Variants in KY observed in about 807,000 individuals in gnomAD.
KY encodes the protein kyphoscoliosis peptidase.
KY carries 43 observed loss-of-function variants against 76.1 expected under a neutral mutation model. That is an observed-to-expected ratio of 0.57 (90% CI 0.44 to 0.73). KY has a LOEUF of 0.73. Ranked by LOEUF, KY falls within the 30% of genes least tolerant of loss-of-function variation. KY has a pLI of 0.00. For synonymous variants in KY, 277 were observed against 326.2 expected (o/e 0.85, Z 1.63); for missense variants, 722 against 828.9 (o/e 0.87, Z 1.58).
At position 134,625,120 on chromosome 3, in the gene KY, C is replaced by G. The variant is rs748941203; in HGVS notation, c.416G>C (p.Arg139Pro). 6.3e-7 allele frequency: 1 copy of G among 1,599,214 alleles called. No homozygotes were observed. Among genetic ancestry groups the G allele is most frequent in the African/African-American group, 1.3e-5 (1 of 74,744 alleles). ...GKDAHAYPWD[R>P]SSLKSMSLDL... ...CAGGGACATGGATTTCAGGCTAGAT[C>G]GATCCCAGGGGTAGGCTGGAAACAC... The change falls in exon 6 of 11, where the codon CGA (arginine) becomes CCA (proline). Residue 139 changes from arginine to proline, a missense_variant. Coordinates refer to ENST00000423778, the MANE Select transcript of KY (RefSeq NM_178554.6).
Position 134,619,187 on chromosome 3 carries a change from T to C in KY, c.671A>G (p.Asn224Ser). 1 of 1,613,922 alleles carries C rather than the reference T, an allele frequency of 6.2e-7. No individual in the cohort carries two copies. Among genetic ancestry groups the C allele is most frequent in the Non-Finnish European group, 8.5e-7 (1 of 1,179,856 alleles). The change falls in exon 8 of 11, where the codon AAC becomes AGC. Residue 224 changes from asparagine (N) to serine (S), a missense_variant. Around this residue, in one of 2 missense-constraint regions of KY, gnomAD observed 552 missense variants for 680.9 expected, o/e 0.81. Coordinates refer to ENST00000423778, the MANE Select transcript of KY (RefSeq NM_178554.6). ...PTDILRTQKT[N>S]CDGYAGLFER... Reference sequence around the variant, plus strand: ...GAAGAGGCCAGCATAGCCATCACAGTTGGTCTTCTGGGTCCGCAGGATGTC... The same window carrying C: ...GAAGAGGCCAGCATAGCCATCACAGCTGGTCTTCTGGGTCCGCAGGATGTC...
chr3:134,610,914 G>A (rs1356067980), intron 8 of KY, among the ~76,000 whole-genome samples: 2 of 152,214 alleles, frequency 1.3e-5, no homozygotes, highest in African/African-American at 4.8e-5. Context: ...TGAGGGTACA[G>A]AAGCCAAGCC....
intron 3 of KY, among the ~76,000 whole-genome samples, chr3:134,640,778 G>A (rs573418291): frequency 6.6e-6 from 1 of 152,310 alleles, no homozygotes; most frequent in South Asian, 2.1e-4. Context: ...CAGGTCCCAA[G>A]CCTTGACTCC....
intron 8 of KY, among the ~76,000 whole-genome samples, chr3:134,613,815 G>A (rs1960992571): frequency 6.6e-6 from 1 of 152,168 alleles, no homozygotes; most frequent in Admixed American, 6.5e-5. Context: ...AAAATCCTCT[G>A]TATGTATAAG....
chr3:134,622,703 A>G (rs1220939105), intron 6 of KY, among the ~76,000 whole-genome samples: 2 of 152,352 alleles, frequency 1.3e-5, no homozygotes, highest in South Asian at 2.1e-4. Flanking sequence ...TGATAAAAAA[A>G]GAACAAATTA....
chr3:134,650,687 G>C (rs1966861953), intron 1 of KY, 138 bp downstream of exon 1: 2 of 791,522 alleles, frequency 2.5e-6, no homozygotes, highest in East Asian at 3.0e-5. Context: ...GCGGGGAAGC[G>C]ACGGCAGCCA....
At chr3:134,621,443 G>A (rs915990805) in intron 6 of KY, among the ~76,000 whole-genome samples, 3 of 152,150 alleles carry the variant, frequency 2.0e-5, no homozygotes, top group African/African-American at 7.2e-5. Context: ...CTTTGACAAG[G>A]GTGTCAAGTC....
intron 3 of KY, among the ~76,000 whole-genome samples, chr3:134,642,379 G>A (rs1010920827): frequency 2.0e-5 from 3 of 152,172 alleles, no homozygotes; most frequent in African/African-American, 7.2e-5. Context: ...GAACTCTTAT[G>A]GCTGAGCCTG....
At position 134,620,917 on chromosome 3, in the gene KY, G is replaced by A. The variant is rs1242397685; in HGVS notation, c.484-60C>T. ...TCGAGGAGGGGCTGTTGGGGGCCCAGCATCTTGCACCTACAGCCAGTGCTG... is the reference window on the plus strand; with the variant it reads ...TCGAGGAGGGGCTGTTGGGGGCCCAACATCTTGCACCTACAGCCAGTGCTG... On this transcript the variant is annotated intron_variant, in intron 6 of 10. Transcript: ENST00000423778. 19 of 1,014,908 alleles carry A rather than the reference G, an allele frequency of 1.9e-5. No homozygotes were observed. The African/African-American group carries it at 2.4e-4, about 13-fold the overall frequency. 62.9% of individuals were successfully genotyped at this position (1,014,908 alleles called of 1,614,324 possible). A position where few individuals can be genotyped will look rare whatever the true frequency, so the allele number is the denominator to read the frequency against.
At chr3:134,605,537 C>T (rs899170196) in intron 10 of KY, among the ~76,000 whole-genome samples, 1 of 152,142 alleles carries the variant, frequency 6.6e-6, no homozygotes, top group Non-Finnish European at 1.5e-5. Flanking sequence ...TGGGAGAAGA[C>T]CACATGGGCC....
At chr3:134,618,777 C>T (rs536948908) in intron 8 of KY, among the ~76,000 whole-genome samples, 83 of 152,308 alleles carry the variant, frequency 5.4e-4, no homozygotes, top group African/African-American at 1.9e-3. Flanking sequence ...TGTGTCAGCC[C>T]TGAGGACAGC....
chr3:134,633,562 G>A (rs187313211), intron 3 of KY, among the ~76,000 whole-genome samples: 8 of 152,174 alleles, frequency 5.3e-5, no homozygotes, highest in Admixed American at 5.2e-4. Flanking sequence ...ATCCGTTCAT[G>A]ATAAAACCTC....
intron 8 of KY, among the ~76,000 whole-genome samples, chr3:134,613,867 T>C (rs1439870049): frequency 6.6e-6 from 1 of 152,184 alleles, no homozygotes; most frequent in Non-Finnish European, 1.5e-5. Flanking sequence ...CTCCAGCCAC[T>C]CTTGCTAGCC....
chr3:134,607,830 C>T lies in KY; in HGVS notation c.1090+819G>A, dbSNP rs1105002. 7.7e-5 allele frequency: 76 copies of T among 987,904 alleles called. 1 individual carries two copies. The highest frequency in any genetic ancestry group is 1.1e-4 in the East Asian group (1 of 8,826). The allele number at this position is 987,904 out of a possible 1,614,324, so 61.2% of individuals were successfully genotyped here. On this transcript the variant is annotated intron_variant, in intron 10 of 10. Transcript: ENST00000423778. Reference sequence around the variant, plus strand: ...CTGCCCCAGGGGAGTGGGCTGGAAACGGCTGGGTCCCGCCTCCAGAAGGGA... The same window carrying T: ...CTGCCCCAGGGGAGTGGGCTGGAAATGGCTGGGTCCCGCCTCCAGAAGGGA...
intron 2 of KY, among the ~76,000 whole-genome samples, chr3:134,644,116 C>T (rs950799759): frequency 2.6e-4 from 39 of 152,194 alleles, no homozygotes; most frequent in African/African-American, 7.2e-4. Flanking sequence ...TGAGCCACCG[C>T]GCCCGGCCGA....
intron 6 of KY, among the ~76,000 whole-genome samples, chr3:134,621,962 A>T (rs1962699767): frequency 6.6e-6 from 1 of 152,234 alleles, no homozygotes; most frequent in Non-Finnish European, 1.5e-5. Context: ...ACATAAAAAA[A>T]AGCTCAACAT....
intron 3 of KY, among the ~76,000 whole-genome samples, chr3:134,642,135 T>TC (rs1350883380): frequency 6.6e-6 from 1 of 152,090 alleles, no homozygotes; most frequent in Non-Finnish European, 1.5e-5. Context: ...GAGAGCCAGC[T>TC]CCCCCATGCT....
intron 3 of KY, among the ~76,000 whole-genome samples, chr3:134,638,621 T>C (rs1047848292): frequency 2.6e-5 from 4 of 152,226 alleles, no homozygotes; most frequent in Non-Finnish European, 5.9e-5. Flanking sequence ...CTGGCCCCTT[T>C]CCTAGACCCC....
chr3:134,602,928 T>C lies in KY; in HGVS notation c.*651A>G, dbSNP rs982480840. On this transcript the variant is annotated 3_prime_UTR_variant, in exon 11 of 11. Coordinates refer to ENST00000423778, the MANE Select transcript of KY (RefSeq NM_178554.6). ...ACATTCCTGACTATACTTAGGGATG[T>C]TGGAGACGATCAGCTTCCAGCCAGT... Among the ~76,000 whole-genome samples, 1 of 152,222 alleles carries C rather than the reference T, an allele frequency of 6.6e-6. No individual in the cohort carries two copies. The highest frequency in any genetic ancestry group is 1.5e-5 in the Non-Finnish European group (1 of 68,026).
Sources: allele counts gnomAD v4.1 joint callset (sites outside exome capture counted in the v4.1 genomes callset), GRCh38; gene constraint gnomAD v4.1.1; regional missense constraint gnomAD v4.1.1; transcripts MANE v1.5; gene names NCBI Gene and HGNC (gene_info 2026-07-23, HGNC 2026-07-21).